Variants in TANGO6 observed in about 807,000 individuals in gnomAD.
The protein encoded by TANGO6 is transport and Golgi organization protein 6 homolog.
In TANGO6, 90 loss-of-function variants were observed where a neutral mutation model predicts 114.2. That is an observed-to-expected ratio of 0.79 (90% CI 0.66 to 0.94). The LOEUF (loss-of-function observed/expected upper bound fraction) is 0.94. TANGO6 is among the 40% of genes least tolerant of loss of function. TANGO6 has a pLI of 0.00. For missense variants in TANGO6, 1,274 were observed against 1,315.3 expected (o/e 0.97, Z 0.49); for synonymous variants, 477 against 509.8 (o/e 0.94, Z 0.87).
chr16:68,901,047 G>A (rs1346724038), intron 8 of TANGO6, among the ~76,000 whole-genome samples: 1 of 152,170 alleles, frequency 6.6e-6, no homozygotes, highest in African/African-American at 2.4e-5. Context: ...TAGAATTTAA[G>A]TAGGATTCAT....
chr16:68,926,729 T>C (rs1963172467), intron 12 of TANGO6, among the ~76,000 whole-genome samples: 6 of 151,852 alleles, frequency 4.0e-5, no homozygotes, highest in Admixed American at 3.9e-4. Context: ...GGTTTCGCCA[T>C]GTTGGCCAGT....
intron 15 of TANGO6, among the ~76,000 whole-genome samples, chr16:69,004,184 T>A (rs1001529813): frequency 6.6e-6 from 1 of 152,136 alleles, no homozygotes; most frequent in Non-Finnish European, 1.5e-5. Flanking sequence ...AGTCAATTTG[T>A]TACCCTGTAA....
At chr16:68,997,993 T>G (rs1298740382) in intron 15 of TANGO6, among the ~76,000 whole-genome samples, 1 of 152,094 alleles carries the variant, frequency 6.6e-6, no homozygotes, top group Non-Finnish European at 1.5e-5. Context: ...CATAACTGAG[T>G]CTCAACAGAA....
At position 69,076,929 on chromosome 16, in the gene TANGO6, G is replaced by A. The variant is rs545112129; in HGVS notation, c.3109-6556G>A. ...GGAGAATCGCTTGAACACAGGAGGC[G>A]GAGGTTGTAGTAAGCCAAGATCGCA... On this transcript the variant is annotated intron_variant, in intron 17 of 17. Coordinates refer to ENST00000261778, the MANE Select transcript of TANGO6 (RefSeq NM_024562.2). Among the ~76,000 whole-genome samples the A allele has an allele frequency of 4.6e-5, 7 of 152,228 alleles. No individual in the cohort carries two copies. The South Asian group carries it at 6.2e-4, about 14-fold the overall frequency.
intron 16 of TANGO6, among the ~76,000 whole-genome samples, chr16:69,037,442 C>T (rs1264576182): frequency 6.6e-6 from 1 of 152,226 alleles, no homozygotes; most frequent in African/African-American, 2.4e-5. Flanking sequence ...CTGCTCGGTC[C>T]ATGGCCTTGG....
chr16:69,017,881 T>G (rs1959328855), intron 15 of TANGO6, among the ~76,000 whole-genome samples: 1 of 151,834 alleles, frequency 6.6e-6, no homozygotes, highest in Admixed American at 6.6e-5. Flanking sequence ...GAAAAGTATA[T>G]TTTAGTCTTA....
chr16:68,906,606 G>A (rs1251061628), intron 9 of TANGO6, among the ~76,000 whole-genome samples: 35 of 150,496 alleles, frequency 2.3e-4, no homozygotes, highest in Admixed American at 2.0e-4. Context: ...ATCTTGCCAT[G>A]TTGTCTATGT....
intron 14 of TANGO6, among the ~76,000 whole-genome samples, chr16:68,943,363 A>ATTT (rs1198050231): frequency 7.6e-6 from 1 of 131,594 alleles, no homozygotes; most frequent in Non-Finnish European, 1.6e-5. Flanking sequence ...GAATCTGAGA[A>ATTT]TTTTTTTTTT....
intron 4 of TANGO6, among the ~76,000 whole-genome samples, chr16:68,870,358 G>A (rs1338680067): frequency 6.6e-6 from 1 of 152,180 alleles, no homozygotes; most frequent in African/African-American, 2.4e-5. Context: ...AGTGTGGTTG[G>A]CAGACGTTGG....
intron 7 of TANGO6, among the ~76,000 whole-genome samples, chr16:68,882,323 C>T (rs535708405): frequency 1.4e-4 from 21 of 150,764 alleles, no homozygotes; most frequent in South Asian, 4.2e-4. Context: ...GGTGAAACCC[C>T]GTCTCTACTA....
intron 17 of TANGO6, among the ~76,000 whole-genome samples, chr16:69,073,323 T>C (rs1941136804): frequency 2.0e-5 from 3 of 152,126 alleles, no homozygotes; most frequent in Admixed American, 1.3e-4. Flanking sequence ...CAGGTACAGG[T>C]TCCTCTTCCT....
chr16:69,017,382 T>C (rs1161580267), intron 15 of TANGO6, among the ~76,000 whole-genome samples: 1 of 152,212 alleles, frequency 6.6e-6, no homozygotes, highest in Non-Finnish European at 1.5e-5. Context: ...GCCTTTTCTT[T>C]ATCATTTATT....
At position 68,902,475 on chromosome 16, in the gene TANGO6, CATT is replaced by C; in HGVS notation, c.1641_1643del (p.Ile547del). On this transcript the variant is annotated inframe_deletion, in exon 9 of 18. Coordinates refer to ENST00000261778, the MANE Select transcript of TANGO6 (RefSeq NM_024562.2). ...AGTTTAGAGTTGCCACTCAAGGTGG[CATT>C]ATGATTACCATCAAAGAGGCCATTA... is the stretch of plus-strand genomic sequence containing the variant. The C allele has an allele frequency of 6.2e-7, 1 of 1,612,752 alleles. No homozygotes were observed. The highest frequency in any genetic ancestry group is 8.5e-7 in the Non-Finnish European group (1 of 1,179,378).
intron 17 of TANGO6, among the ~76,000 whole-genome samples, chr16:69,060,304 C>T (rs1345075415): frequency 6.6e-6 from 1 of 152,150 alleles, no homozygotes; most frequent in Non-Finnish European, 1.5e-5. Context: ...AGGTGTGAGC[C>T]ACTGCCCCCA....
At position 68,900,558 on chromosome 16, in the gene TANGO6, A is replaced by G. The variant is rs927415901; in HGVS notation, c.1490+12A>G. On this transcript the variant is annotated intron_variant, in intron 8 of 17. Transcript: ENST00000261778. Reference sequence around the variant, plus strand: ...GTGTCTCACATAAGGTAAACAATCAAGGGACCCTTATTTGTTTATAAATTG... The same window carrying G: ...GTGTCTCACATAAGGTAAACAATCAGGGGACCCTTATTTGTTTATAAATTG... 3 of 1,578,454 alleles carry G rather than the reference A, an allele frequency of 1.9e-6. No homozygotes were observed. The highest frequency in any genetic ancestry group is 2.6e-6 in the Non-Finnish European group (3 of 1,153,764).
intron 17 of TANGO6, among the ~76,000 whole-genome samples, chr16:69,078,719 A>C (rs1186642282): frequency 6.6e-6 from 1 of 152,134 alleles, no homozygotes; most frequent in East Asian, 1.9e-4. Context: ...TAAGTTAAAT[A>C]TACGTTTCTG....
At chr16:68,977,457 G>C (rs1471590731) in intron 15 of TANGO6, among the ~76,000 whole-genome samples, 1 of 151,362 alleles carries the variant, frequency 6.6e-6, no homozygotes, top group Non-Finnish European at 1.5e-5. Context: ...ACTTTGGGAG[G>C]CCAAGGCGGG....
At chr16:69,072,665 G>A (rs1256600500) in intron 17 of TANGO6, among the ~76,000 whole-genome samples, 1 of 152,116 alleles carries the variant, frequency 6.6e-6, no homozygotes, top group Non-Finnish European at 1.5e-5. Context: ...GGGTTGCTAA[G>A]ATAGACCCAT....
At chr16:68,859,359 T>C (rs748294430) in intron 1 of TANGO6, among the ~76,000 whole-genome samples, 2 of 152,040 alleles carry the variant, frequency 1.3e-5, no homozygotes, top group Non-Finnish European at 2.9e-5. Context: ...GTTTTAGAAA[T>C]GGGGTCTCAC....
Sources: gnomAD v4.1 joint callset for allele counts (sites outside exome capture counted in the v4.1 genomes callset) on GRCh38, gnomAD v4.1.1 for gene constraint, MANE v1.5 for transcripts, NCBI Gene and HGNC (gene_info 2026-07-23, HGNC 2026-07-21) for gene names.